Variants in KIAA1549 observed in about 807,000 individuals in gnomAD.
KIAA1549 encodes UPF0606 protein KIAA1549.
A neutral mutation model predicts 156.4 loss-of-function variants in KIAA1549; 70 were observed. The observed-to-expected ratio is 0.45, with a 90% confidence interval of 0.37 to 0.55. The LOEUF (loss-of-function observed/expected upper bound fraction) is 0.55. Among genes scored for constraint, KIAA1549 ranks in the 20% least tolerant of loss-of-function variants. The probability of loss-of-function intolerance (pLI) is 0.00; values close to 1 mark genes in which losing one functional copy is unlikely to be tolerated. For missense variants in KIAA1549, 2,428 were observed against 2,540.9 expected (o/e 0.96, Z 0.96); for synonymous variants, 1,103 against 1,066.4 (o/e 1.03, Z -0.67).
At chr7:138,861,494 G>T in intron 15 of KIAA1549, 38 bp from the exon 16 acceptor site, 10 of 1,525,018 alleles carry the variant, frequency 6.6e-6, no homozygotes, top group Non-Finnish European at 9.0e-6. Flanking sequence ...TCACACATGA[G>T]TTTTTGTGGC....
intron 1 of KIAA1549, among the ~76,000 whole-genome samples, chr7:138,941,221 T>C (rs568616421): frequency 2.6e-5 from 4 of 152,250 alleles, no homozygotes; most frequent in Non-Finnish European, 5.9e-5. Context: ...AATACAAAGA[T>C]GCTGATTTCT....
At chr7:138,885,545 T>C (rs1317566093) in intron 10 of KIAA1549, among the ~76,000 whole-genome samples, 2 of 152,192 alleles carry the variant, frequency 1.3e-5, no homozygotes, top group Non-Finnish European at 2.9e-5. Context: ...TCTTGGCCTT[T>C]ACCACCCACA....
chr7:138,840,360 G>C, intron 18 of KIAA1549, 82 bp from the exon 19 acceptor site: 1 of 1,285,564 alleles, frequency 7.8e-7, no homozygotes, highest in Non-Finnish European at 1.1e-6. Context: ...GGAAGACACT[G>C]TCAACTCTGA....
chr7:138,832,213 C>A lies in KIAA1549; in HGVS notation c.*5693G>T. 7.9e-6 allele frequency: 1 copy of A among 127,252 alleles called. No homozygotes were observed. The highest frequency in any genetic ancestry group is 1.5e-5 in the Non-Finnish European group (1 of 68,910). 7.9% of individuals were successfully genotyped at this position (127,252 alleles called of 1,614,324 possible). A position where few individuals can be genotyped will look rare whatever the true frequency, so the allele number is the denominator to read the frequency against. On this transcript the variant is annotated 3_prime_UTR_variant, in exon 20 of 20. Transcript: ENST00000422774. Reference sequence around the variant, plus strand: ...TTCCTTTTTTTTTTTTTTTTTTTTCCAGAGACAGGACCTCACCCTGCAGCC... The same window carrying A: ...TTCCTTTTTTTTTTTTTTTTTTTTCAAGAGACAGGACCTCACCCTGCAGCC...
At chr7:138,911,599 T>C (rs931060122) in intron 3 of KIAA1549, among the ~76,000 whole-genome samples, 6 of 152,196 alleles carry the variant, frequency 3.9e-5, no homozygotes, top group Non-Finnish European at 7.3e-5. Flanking sequence ...TTAAAACACA[T>C]AGACAAGAGT....
chr7:138,887,737 C>G (rs1811438448), intron 10 of KIAA1549, among the ~76,000 whole-genome samples: 1 of 152,180 alleles, frequency 6.6e-6, no homozygotes, highest in Non-Finnish European at 1.5e-5. Flanking sequence ...AATCAAGGCA[C>G]AATAAATTTG....
Position 138,844,445 on chromosome 7 carries a change from G to A in KIAA1549, c.5324C>T (p.Ser1775Phe). 1 of 1,552,842 alleles carries A rather than the reference G, an allele frequency of 6.4e-7. No individual in the cohort carries two copies. The highest frequency in any genetic ancestry group is 8.7e-7 in the Non-Finnish European group (1 of 1,152,626). ...AGGGTCAGGGGGCACCAGCTCTGTA[G>A]ACTGCAGCAAACCGGGGCCAAAACC... ...RPGFGPGLLQ[S>F]TELVPPDPQQ... Residue 1775 changes from serine (S) to phenylalanine (F), a missense_variant, in exon 18 of 20, where the codon TCT becomes TTT. Physicochemically the swap from Ser to Phe is radical, Grantham distance 155. Around this residue, in one of 5 missense-constraint regions of KIAA1549, gnomAD observed 363 missense variants for 354.0 expected, o/e 1.03. Transcript: ENST00000422774.
chr7:138,957,620 G>A (rs990819536), intron 1 of KIAA1549, among the ~76,000 whole-genome samples: 1 of 152,052 alleles, frequency 6.6e-6, no homozygotes, highest in Non-Finnish European at 1.5e-5. Context: ...TGGGACTACA[G>A]GTTCGCATCA....
intron 4 of KIAA1549, among the ~76,000 whole-genome samples, chr7:138,910,142 G>C (rs1388304808): frequency 6.6e-6 from 1 of 152,158 alleles, no homozygotes; most frequent in Non-Finnish European, 1.5e-5. Context: ...GCTAGGAACG[G>C]AAAAGTGGTT....
chr7:138,876,873 T>C (rs558355761), intron 12 of KIAA1549, among the ~76,000 whole-genome samples: 1 of 152,208 alleles, frequency 6.6e-6, no homozygotes, highest in Non-Finnish European at 1.5e-5. Flanking sequence ...TGTCAGGGCC[T>C]AGTCACCTTC....
Position 138,896,133 on chromosome 7 carries a change from C to T in KIAA1549, c.3848-1607G>A, listed in dbSNP as rs189571897. On this transcript the variant is annotated intron_variant, in intron 9 of 19. Coordinates refer to ENST00000422774, the MANE Select transcript of KIAA1549 (RefSeq NM_001164665.2). ...AATGGATAATCCGTGAAGTGCTACG[C>T]TTCTGCACTCATTCATCCGGTCTTG... Among the ~76,000 whole-genome samples, 465 of 152,342 alleles carry T rather than the reference C, an allele frequency of 3.1e-3. 6 individuals are homozygous for T. Among genetic ancestry groups the T allele is most frequent in the African/African-American group, 0.011 (445 of 41,566 alleles).
chr7:138,956,124 C>A (rs980584080), intron 1 of KIAA1549, among the ~76,000 whole-genome samples: 1 of 152,150 alleles, frequency 6.6e-6, no homozygotes, highest in African/African-American at 2.4e-5. Context: ...GAACTCCCGA[C>A]CTCAAGCGAC....
Position 138,981,314 on chromosome 7 carries a change from G to A in KIAA1549, c.-45C>T, listed in dbSNP as rs1429308159. The A allele has an allele frequency of 2.4e-6, 2 of 819,152 alleles. No homozygotes were observed. The highest frequency in any genetic ancestry group is 1.9e-5 in the African/African-American group (1 of 53,552). 50.7% of individuals were successfully genotyped at this position (819,152 alleles called of 1,614,324 possible). A position where few individuals can be genotyped will look rare whatever the true frequency, so the allele number is the denominator to read the frequency against. ...CCGGCCTCGCGGCTCAGCGGCTCTCGGGTCCGGGAGGGGCGGCCGCTGCGG... is the reference window on the plus strand; with the variant it reads ...CCGGCCTCGCGGCTCAGCGGCTCTCAGGTCCGGGAGGGGCGGCCGCTGCGG... On this transcript the variant is annotated 5_prime_UTR_variant, in exon 1 of 20. Coordinates refer to ENST00000422774, the MANE Select transcript of KIAA1549 (RefSeq NM_001164665.2). The surrounding 1 kb of genome is among the most constrained non-coding windows in gnomAD (Gnocchi z 4.5).
intron 17 of KIAA1549, among the ~76,000 whole-genome samples, chr7:138,849,854 G>A (rs546015061): frequency 3.5e-4 from 54 of 152,212 alleles, no homozygotes; most frequent in African/African-American, 1.2e-3. Context: ...TAAGGATAAC[G>A]GCCTCTGGCT....
intron 1 of KIAA1549, among the ~76,000 whole-genome samples, chr7:138,975,525 T>G (rs1187084688): frequency 6.6e-6 from 1 of 150,446 alleles, no homozygotes; most frequent in Non-Finnish European, 1.5e-5. Flanking sequence ...AGCTAGAGGG[T>G]TAATGAGATT....
rs947502235 is a variant in KIAA1549 at position 138,868,228 on chromosome 7, C to T, written c.4776-100G>A. 3.1e-5 allele frequency: 35 copies of T among 1,137,480 alleles called. No homozygotes were observed. The Admixed American group carries it at 4.7e-4, about 15-fold the overall frequency. The allele number at this position is 1,137,480 out of a possible 1,614,324, so 70.5% of individuals were successfully genotyped here. A position where few individuals can be genotyped will look rare whatever the true frequency, so the allele number is the denominator to read the frequency against. On this transcript the variant is annotated intron_variant, in intron 14 of 19. Transcript: ENST00000422774. ...TACCCTGAGTACCTAGGATGTGCTACCCCTGGAAACACCCCATAGGATATA... is the reference window on the plus strand; with the variant it reads ...TACCCTGAGTACCTAGGATGTGCTATCCCTGGAAACACCCCATAGGATATA...
At chr7:138,909,985 T>C (rs1563073307) in intron 4 of KIAA1549, among the ~76,000 whole-genome samples, 1 of 152,176 alleles carries the variant, frequency 6.6e-6, no homozygotes, top group Admixed American at 6.5e-5. Context: ...GTTAACTTCA[T>C]ATACATGTTT....
At chr7:138,952,911 C>T (rs1813541791) in intron 1 of KIAA1549, among the ~76,000 whole-genome samples, 1 of 152,192 alleles carries the variant, frequency 6.6e-6, no homozygotes, top group Non-Finnish European at 1.5e-5. Context: ...GCAAGTGAGT[C>T]TAGACTGAAT....
At chr7:138,912,640 G>A (rs1384871524) in intron 2 of KIAA1549, among the ~76,000 whole-genome samples, 180 bp from the exon 3 acceptor site, 1 of 151,914 alleles carries the variant, frequency 6.6e-6, no homozygotes, top group Non-Finnish European at 1.5e-5. Flanking sequence ...CTAACTACCT[G>A]GAGAAGAACA....
Sources: allele counts gnomAD v4.1 joint callset (sites outside exome capture counted in the v4.1 genomes callset), GRCh38; gene constraint gnomAD v4.1.1; regional missense constraint gnomAD v4.1.1; non-coding constraint Gnocchi (gnomAD v3.1); transcripts MANE v1.5; gene names NCBI Gene and HGNC (gene_info 2026-07-23, HGNC 2026-07-21).